ZNF385D: variants seen among roughly 807,000 people sequenced by gnomAD.
ZNF385D encodes zinc finger protein 385D.
In ZNF385D, 15 loss-of-function variants were observed where a neutral mutation model predicts 35.8. That is an observed-to-expected ratio of 0.42 (90% CI 0.28 to 0.64). The LOEUF (loss-of-function observed/expected upper bound fraction) is 0.64, where lower values mean the gene tolerates loss of function less well. ZNF385D is among the 30% of genes least tolerant of loss of function. The probability of loss-of-function intolerance (pLI) is 0.23; values close to 1 mark genes in which losing one functional copy is unlikely to be tolerated. For missense variants in ZNF385D, 474 were observed against 494.6 expected, an observed-to-expected ratio of 0.96 and a Z score of 0.39; for synonymous variants, 212 against 186.8, an observed-to-expected ratio of 1.13 and a Z score of -1.10.
chr3:22,010,319 G>A (rs1050056371), intron 3 of ZNF385D, among the ~76,000 whole-genome samples: 1 of 152,158 alleles, frequency 6.6e-6, no homozygotes, highest in African/African-American at 2.4e-5. Context: ...ATTTACTGAA[G>A]TGGGGCAAAT....
chr3:21,827,375 A>G (rs2125753314), intron 3 of ZNF385D, among the ~76,000 whole-genome samples: 1 of 152,336 alleles, frequency 6.6e-6, no homozygotes, highest in Non-Finnish European at 1.5e-5. Flanking sequence ...CTGTATATAT[A>G]CAGTTAAATA....
chr3:21,947,262 T>C (rs932519458), intron 3 of ZNF385D, among the ~76,000 whole-genome samples: 1 of 152,178 alleles, frequency 6.6e-6, no homozygotes, highest in African/African-American at 2.4e-5. Flanking sequence ...GTTGCTTATA[T>C]ATAAATATTG....
At chr3:21,812,717 C>A (rs1486646686) in intron 3 of ZNF385D, among the ~76,000 whole-genome samples, 1 of 152,216 alleles carries the variant, frequency 6.6e-6, no homozygotes, top group East Asian at 1.9e-4. Flanking sequence ...CTGCGTGGAG[C>A]CCACCACAGC....
chr3:22,268,846 T>C (rs1287185725), intron 2 of ZNF385D, among the ~76,000 whole-genome samples: 3 of 152,052 alleles, frequency 2.0e-5, no homozygotes, highest in East Asian at 1.9e-4. Context: ...GTAGTTACTC[T>C]ACCCAATTTT....
chr3:22,265,586 C>T (rs1200658000), intron 2 of ZNF385D, among the ~76,000 whole-genome samples: 1 of 151,904 alleles, frequency 6.6e-6, no homozygotes, highest in Non-Finnish European at 1.5e-5. Context: ...GCTATCAAAT[C>T]AATTTTTGTC....
chr3:21,853,265 T>G (rs1696500827), intron 3 of ZNF385D, among the ~76,000 whole-genome samples: 1 of 151,832 alleles, frequency 6.6e-6, no homozygotes, highest in Admixed American at 6.6e-5. Context: ...TCACTTTCCA[T>G]AAAAGGACAG....
chr3:22,036,558 A>AT (rs979760957), intron 3 of ZNF385D, among the ~76,000 whole-genome samples: 25 of 151,398 alleles, frequency 1.7e-4, no homozygotes, highest in Admixed American at 7.2e-4. Flanking sequence ...TGGCAAATGA[A>AT]TTTTTTTTTA....
intron 4 of ZNF385D, among the ~76,000 whole-genome samples, chr3:21,444,360 G>A (rs535666454): frequency 6.7e-5 from 10 of 149,260 alleles, no homozygotes; most frequent in Non-Finnish European, 7.4e-5. Flanking sequence ...GATTACGGGC[G>A]TGAGCCACAG....
chr3:22,100,163 C>G (rs1264977115), intron 3 of ZNF385D, among the ~76,000 whole-genome samples: 1 of 144,066 alleles, frequency 6.9e-6, no homozygotes, highest in Non-Finnish European at 1.5e-5. Context: ...GAATGGCAAT[C>G]ATTAAAAAGT....
chr3:21,559,657 G>A lies in ZNF385D; in HGVS notation c.276+4917C>T, dbSNP rs550094419. Among the ~76,000 whole-genome samples the A allele has an allele frequency of 3.3e-5, 5 of 152,188 alleles. No homozygotes were observed. The East Asian group carries it at 9.7e-4, about 30-fold the overall frequency. On this transcript the variant is annotated intron_variant, in intron 3 of 7. Coordinates refer to ENST00000281523, the MANE Select transcript of ZNF385D (RefSeq NM_024697.3). The stretch of plus-strand genomic sequence containing the variant: ...TGTGTCTTGGGGTTGCTCTTCTCAA[G>A]GAGTATCTTTGTGGTGTTCTCTGTA...
chr3:22,338,363 G>A (rs771188858), intron 2 of ZNF385D, among the ~76,000 whole-genome samples: 5 of 152,094 alleles, frequency 3.3e-5, no homozygotes, highest in Non-Finnish European at 5.9e-5. Flanking sequence ...AAACACATAA[G>A]AGAGAGAAAA....
intron 3 of ZNF385D, among the ~76,000 whole-genome samples, chr3:21,908,118 A>ATATCTATCTATCTATCTATCTATC (rs61001621): frequency 7.4e-6 from 1 of 135,654 alleles, no homozygotes; most frequent in Non-Finnish European, 1.6e-5. Flanking sequence ...CTTTCTCTCT[A>ATATCTATCTATCTATCTATCTATC]TATCTATCTA....
chr3:21,728,778 C>T (rs2068870937), intron 1 of ZNF385D, among the ~76,000 whole-genome samples: 1 of 152,344 alleles, frequency 6.6e-6, no homozygotes, highest in South Asian at 2.1e-4. Flanking sequence ...ATGAGGCCCA[C>T]TCCTGCAAGC....
At chr3:21,759,167 G>A (rs992220615) in intron 3 of ZNF385D, among the ~76,000 whole-genome samples, 4 of 151,956 alleles carry the variant, frequency 2.6e-5, no homozygotes, top group Non-Finnish European at 4.4e-5. Flanking sequence ...AATACTCTAG[G>A]ACATGTGTAT....
intron 3 of ZNF385D, among the ~76,000 whole-genome samples, chr3:22,008,212 G>A (rs1038739451): frequency 2.6e-5 from 4 of 152,036 alleles, no homozygotes; most frequent in African/African-American, 7.2e-5. Flanking sequence ...TCAAAATAAG[G>A]TAGACTAGGA....
chr3:22,365,627 T>G (rs1294496645), intron 2 of ZNF385D, among the ~76,000 whole-genome samples: 7 of 152,072 alleles, frequency 4.6e-5, no homozygotes, highest in African/African-American at 1.7e-4. Flanking sequence ...AATAAAGCAA[T>G]TAAGACTTTG....
intron 2 of ZNF385D, among the ~76,000 whole-genome samples, chr3:21,586,326 T>A: frequency 6.6e-6 from 1 of 152,092 alleles, no homozygotes; most frequent in East Asian, 1.9e-4. Context: ...CTGGGAAGAT[T>A]AAATGAAATA....
At chr3:22,141,902 T>C (rs566451289) in intron 3 of ZNF385D, among the ~76,000 whole-genome samples, 1 of 152,354 alleles carries the variant, frequency 6.6e-6, no homozygotes, top group East Asian at 1.9e-4. Flanking sequence ...ACTGTTTGCC[T>C]TGTGGCATTT....
chr3:22,044,435 C>T (rs557380864), intron 3 of ZNF385D, among the ~76,000 whole-genome samples: 73 of 151,944 alleles, frequency 4.8e-4, no homozygotes, highest in African/African-American at 1.7e-3. Flanking sequence ...GTTCCTAGAG[C>T]AAGGCAAACA....
Sources: allele counts gnomAD v4.1 joint callset (sites outside exome capture counted in the v4.1 genomes callset), GRCh38; gene constraint gnomAD v4.1.1; transcripts MANE v1.5; gene names NCBI Gene and HGNC (gene_info 2026-07-23, HGNC 2026-07-21).